CNTNAP2: variants seen among roughly 807,000 people sequenced by gnomAD.
CNTNAP2 encodes the protein contactin associated protein 2, also known as contactin-associated protein-like 2.
Under a neutral mutation model 155.2 loss-of-function variants are expected in CNTNAP2, and 98 were observed. The observed-to-expected ratio is 0.63, with a 90% CI of 0.54 to 0.75. The LOEUF (loss-of-function observed/expected upper bound fraction) is 0.75, where lower values mean the gene tolerates loss of function less well. Among genes scored for constraint, CNTNAP2 ranks in the 30% least tolerant of loss-of-function variants. The pLI, the probability that CNTNAP2 is intolerant of heterozygous loss-of-function variation, is 0.00. For missense variants in CNTNAP2, 1,727 were observed against 1,688.1 expected, an observed-to-expected ratio of 1.02 and a Z score of -0.40; for synonymous variants, 651 against 631.2, an observed-to-expected ratio of 1.03 and a Z score of -0.47.
Position 148,131,261 on chromosome 7 carries a change from G to A in CNTNAP2, c.2554+12973G>A, listed in dbSNP as rs377127427. On this transcript the variant is annotated intron_variant, in intron 16 of 23. Coordinates refer to ENST00000361727, the MANE Select transcript of CNTNAP2 (RefSeq NM_014141.6). The stretch of plus-strand genomic sequence containing the variant: ...CCACAGGCTCACGCCACCACGCCTC[G>A]CTAATTTTTGTATTTTTAGTAGAGA... 1.1e-4 allele frequency among the ~76,000 whole-genome samples: 17 copies of A among 151,762 alleles called. No homozygotes were observed. In the South Asian group the frequency reaches 1.5e-3, roughly 13 times the overall value.
intron 1 of CNTNAP2, among the ~76,000 whole-genome samples, chr7:146,627,023 G>A (rs1486752666): frequency 6.6e-6 from 1 of 152,140 alleles, no homozygotes; most frequent in African/African-American, 2.4e-5. Context: ...AAGAAAAAGA[G>A]GTTTAATGGA....
chr7:148,118,433 C>T (rs755080314), intron 16 of CNTNAP2, 145 bp downstream of exon 16: 1 of 903,984 alleles, frequency 1.1e-6, no homozygotes, highest in Non-Finnish European at 1.7e-6. Context: ...ACACACAAGC[C>T]TGAGTTTGGG....
At chr7:146,691,099 G>A (rs934846048) in intron 1 of CNTNAP2, among the ~76,000 whole-genome samples, 3 of 152,092 alleles carry the variant, frequency 2.0e-5, no homozygotes, top group African/African-American at 4.8e-5. Context: ...TGTACCTATA[G>A]CTGTTTATGT....
intron 1 of CNTNAP2, among the ~76,000 whole-genome samples, chr7:146,624,672 A>G (rs1799389714): frequency 6.6e-6 from 1 of 151,664 alleles, no homozygotes; most frequent in Admixed American, 6.6e-5. Flanking sequence ...TGAGTCCTTC[A>G]GTTTGTTCTT....
chr7:147,104,409 G>C (rs1024759558), intron 4 of CNTNAP2, among the ~76,000 whole-genome samples: 1 of 151,702 alleles, frequency 6.6e-6, no homozygotes, highest in East Asian at 1.9e-4. Flanking sequence ...ATCCATATGT[G>C]TATCTATGTA....
intron 1 of CNTNAP2, among the ~76,000 whole-genome samples, chr7:146,531,620 A>G (rs1797770840): frequency 6.6e-6 from 1 of 152,144 alleles, no homozygotes; most frequent in Non-Finnish European, 1.5e-5. Context: ...ATCAAGGCTG[A>G]CTGCAACCTC....
chr7:148,368,071 C>T (rs1282560211), intron 21 of CNTNAP2, among the ~76,000 whole-genome samples: 1 of 152,218 alleles, frequency 6.6e-6, no homozygotes, highest in African/African-American at 2.4e-5. Flanking sequence ...CAGCCCTCTA[C>T]ACCACATCTG....
intron 11 of CNTNAP2, among the ~76,000 whole-genome samples, chr7:147,543,039 T>C (rs947797013): frequency 2.6e-5 from 4 of 152,062 alleles, no homozygotes; most frequent in Admixed American, 2.0e-4. Flanking sequence ...CACAGAAATA[T>C]AGAGGTGTGA....
intron 13 of CNTNAP2, among the ~76,000 whole-genome samples, chr7:147,769,245 T>C (rs1797428918): frequency 6.6e-6 from 1 of 152,092 alleles, no homozygotes; most frequent in South Asian, 2.1e-4. Flanking sequence ...CAATAACATT[T>C]TTCAAGTATA....
At chr7:146,947,595 A>ATATG (rs1563016213) in intron 3 of CNTNAP2, among the ~76,000 whole-genome samples, 27 of 140,660 alleles carry the variant, frequency 1.9e-4, no homozygotes, top group African/African-American at 7.2e-4. Context: ...ATATATATAT[A>ATATG]TATGTATATA....
rs183049799 is a variant in CNTNAP2, at chr7:148,003,891, G to A, written c.2383+25902G>A. The stretch of plus-strand genomic sequence containing the variant: ...TTCCCAATGCCTAGGCCAGTGCCTA[G>A]CATAAATATTGTGCTTAATCAGGAT... On this transcript the variant is annotated intron_variant, in intron 15 of 23. Coordinates refer to ENST00000361727, the MANE Select transcript of CNTNAP2 (RefSeq NM_014141.6). Among the ~76,000 whole-genome samples the A allele has an allele frequency of 2.3e-3, 355 of 152,254 alleles. 4 individuals carry two copies. Among genetic ancestry groups the A allele is most frequent in the African/African-American group, 8.2e-3 (342 of 41,556 alleles).
At chr7:146,796,183 T>G (rs1802764878) in intron 2 of CNTNAP2, among the ~76,000 whole-genome samples, 1 of 152,166 alleles carries the variant, frequency 6.6e-6, no homozygotes, top group African/African-American at 2.4e-5. Context: ...CGGTTACTTC[T>G]AAGTTGCAGG....
chr7:146,661,314 T>C (rs560636363), intron 1 of CNTNAP2, among the ~76,000 whole-genome samples: 20 of 152,246 alleles, frequency 1.3e-4, no homozygotes, highest in Admixed American at 1.3e-3. Flanking sequence ...CATTAAATCA[T>C]ACTTTAATGC....
intron 1 of CNTNAP2, among the ~76,000 whole-genome samples, chr7:146,771,868 A>G (rs1802298638): frequency 6.6e-6 from 1 of 152,154 alleles, no homozygotes; most frequent in African/African-American, 2.4e-5. Context: ...GAATATATAG[A>G]GAAACATTTT....
intron 3 of CNTNAP2, among the ~76,000 whole-genome samples, chr7:146,843,596 C>CAA (rs10639255): frequency 0.048 from 6,054 of 126,470 alleles, 375 homozygotes; most frequent in African/African-American, 0.16. Context: ...CTTACTAATA[C>CAA]AAAAAAAAAA....
At position 147,078,711 on chromosome 7, in the gene CNTNAP2, T is replaced by G. The variant is rs187479293; in HGVS notation, c.551-29436T>G. ...ATTAAAAAAAACTCTCTATCTAGTCTAATTTCTAATATTGAATTTTTCTTC... is the reference window on the plus strand; with the variant it reads ...ATTAAAAAAAACTCTCTATCTAGTCGAATTTCTAATATTGAATTTTTCTTC... On this transcript the variant is annotated intron_variant, in intron 4 of 23. Transcript: ENST00000361727. Among the ~76,000 whole-genome samples, 4 of 152,118 alleles carry G rather than the reference T, an allele frequency of 2.6e-5. No homozygotes were observed. In the East Asian group the frequency reaches 7.7e-4, roughly 29 times the overall value.
At chr7:147,964,912 T>A (rs1046783436) in intron 14 of CNTNAP2, among the ~76,000 whole-genome samples, 1 of 152,156 alleles carries the variant, frequency 6.6e-6, no homozygotes, top group Non-Finnish European at 1.5e-5. Flanking sequence ...CCAATATAGA[T>A]CAAATATCCA....
At chr7:148,373,088 A>G (rs1798919760) in intron 21 of CNTNAP2, among the ~76,000 whole-genome samples, 1 of 152,096 alleles carries the variant, frequency 6.6e-6, no homozygotes, top group South Asian at 2.1e-4. Context: ...TGTGATAACA[A>G]TGCCTTCTTC....
At position 147,775,338 on chromosome 7, in the gene CNTNAP2, A is replaced by AATATATATATTTATATATATTTATAAAT. The variant is rs1563084610; in HGVS notation, c.2099-128190_2099-128163dup. Among the ~76,000 whole-genome samples, 244 of 32,874 alleles carry AATATATATATTTATATATATTTATAAAT rather than the reference A, an allele frequency of 7.4e-3. 3 individuals are homozygous for AATATATATATTTATATATATTTATAAAT. Among genetic ancestry groups the AATATATATATTTATATATATTTATAAAT allele is most frequent in the Non-Finnish European group, 9.0e-3 (180 of 19,906 alleles). 21.6% of individuals were successfully genotyped at this position (32,874 alleles called of 152,430 possible). On this transcript the variant is annotated intron_variant, in intron 13 of 23. Coordinates refer to ENST00000361727, the MANE Select transcript of CNTNAP2 (RefSeq NM_014141.6). ...ATATATATATTTATATATATTTATA[A>AATATATATATTTATATATATTTATAAAT]ATATATATATTTATATATATTTATA...
Sources: allele counts gnomAD v4.1 joint callset (sites outside exome capture counted in the v4.1 genomes callset), GRCh38; gene constraint gnomAD v4.1.1; transcripts MANE v1.5; gene names NCBI Gene and HGNC (gene_info 2026-07-23, HGNC 2026-07-21).